TSHZ2: variants seen among roughly 807,000 people sequenced by gnomAD.
The protein encoded by TSHZ2 is teashirt zinc finger homeobox 2, also known as teashirt homolog 2.
TSHZ2 carries 21 observed loss-of-function variants against 74.4 expected under a neutral mutation model. The ratio of observed to expected loss-of-function variants is 0.28; its 90% confidence interval spans 0.20 to 0.41. The LOEUF (loss-of-function observed/expected upper bound fraction) is 0.41. TSHZ2 is among the 10% of genes least tolerant of loss of function. The pLI, the probability that TSHZ2 is intolerant of heterozygous loss-of-function variation, is 1.00. For synonymous variants in TSHZ2, 540 were observed against 515.3 expected, an observed-to-expected ratio of 1.05 and a Z score of -0.65; for missense variants, 1,244 against 1,293.5, an observed-to-expected ratio of 0.96 and a Z score of 0.59.
chr20:53,233,718 G>C (rs900960169), intron 1 of TSHZ2, among the ~76,000 whole-genome samples: 1 of 152,156 alleles, frequency 6.6e-6, no homozygotes, highest in Non-Finnish European at 1.5e-5. Flanking sequence ...CTGCATTAGA[G>C]ACAGAGGGAG....
rs114919824 is a variant in TSHZ2, at chr20:53,220,430, A to G, written c.41-33069A>G. Reference sequence around the variant, plus strand: ...TCCCTGTTGATGAGAAAATTCCTCTACAGGGTTACTGATTAAGGGCCAGTT... The same window carrying G: ...TCCCTGTTGATGAGAAAATTCCTCTGCAGGGTTACTGATTAAGGGCCAGTT... On this transcript the variant is annotated intron_variant, in intron 1 of 2. Transcript: ENST00000371497. Among the ~76,000 whole-genome samples the G allele has an allele frequency of 2.6e-3, 401 of 152,352 alleles. 4 individuals are homozygous for G. The highest frequency in any genetic ancestry group is 9.2e-3 in the African/African-American group (383 of 41,584).
chr20:53,038,894 TTG>T (rs1386946889), intron 1 of TSHZ2, among the ~76,000 whole-genome samples: 1 of 135,464 alleles, frequency 7.4e-6, no homozygotes, highest in Non-Finnish European at 1.5e-5. Context: ...TTTTGTTTGT[TTG>T]TTTGTTTGTT....
At chr20:53,216,039 G>T (rs992114877) in intron 1 of TSHZ2, among the ~76,000 whole-genome samples, 2 of 152,022 alleles carry the variant, frequency 1.3e-5, no homozygotes, top group East Asian at 3.9e-4. Context: ...CTTCATTTTG[G>T]CCAAGACCTT....
intron 1 of TSHZ2, among the ~76,000 whole-genome samples, chr20:52,989,027 G>C (rs997216142): frequency 1.3e-5 from 2 of 152,004 alleles, no homozygotes; most frequent in Non-Finnish European, 2.9e-5. Context: ...TTGTATTTAA[G>C]AGTCACCTTA....
intron 1 of TSHZ2, among the ~76,000 whole-genome samples, chr20:53,046,328 C>T (rs796811861): frequency 7.2e-5 from 11 of 152,308 alleles, no homozygotes; most frequent in African/African-American, 2.4e-4. Context: ...CCGCCGCCAA[C>T]ATCAGCCATC....
intron 2 of TSHZ2, among the ~76,000 whole-genome samples, chr20:53,482,108 T>TAA (rs570413572): frequency 0.055 from 4,055 of 74,196 alleles, 620 homozygotes; most frequent in African/African-American, 0.069. Flanking sequence ...CTCCATCTCA[T>TAA]AAAAAAAAAA....
At chr20:53,309,567 C>A (rs1009769509) in intron 2 of TSHZ2, among the ~76,000 whole-genome samples, 2 of 152,186 alleles carry the variant, frequency 1.3e-5, no homozygotes, top group African/African-American at 4.8e-5. Context: ...AAGAAGAAGA[C>A]ATTTTATTCT....
At chr20:53,215,051 A>C (rs1989402920) in intron 1 of TSHZ2, among the ~76,000 whole-genome samples, 1 of 152,214 alleles carries the variant, frequency 6.6e-6, no homozygotes, top group South Asian at 2.1e-4. Flanking sequence ...CGGGACCCAT[A>C]GGCTAATGTC....
intron 1 of TSHZ2, among the ~76,000 whole-genome samples, chr20:53,014,870 C>T (rs957372907): frequency 2.6e-5 from 4 of 152,090 alleles, no homozygotes; most frequent in South Asian, 2.1e-4. Context: ...GTCGTCTGTT[C>T]GTTTGTGTGC....
chr20:53,337,457 A>T (rs945634246), intron 2 of TSHZ2, among the ~76,000 whole-genome samples: 1 of 152,160 alleles, frequency 6.6e-6, no homozygotes, highest in African/African-American at 2.4e-5. Flanking sequence ...TGTATGTTTC[A>T]TTGGACGGAA....
At chr20:53,385,209 T>C (rs1313314584) in intron 2 of TSHZ2, among the ~76,000 whole-genome samples, 3 of 152,082 alleles carry the variant, frequency 2.0e-5, no homozygotes, top group Non-Finnish European at 4.4e-5. Context: ...ATGCCATGTA[T>C]AGTAGGAATA....
intron 1 of TSHZ2, among the ~76,000 whole-genome samples, chr20:52,980,046 A>G (rs1282151193): frequency 1.3e-5 from 2 of 152,206 alleles, no homozygotes. Flanking sequence ...AGCAGGGACT[A>G]ATGAAACTCT....
chr20:53,269,373 AT>A (rs2123756140), intron 2 of TSHZ2, among the ~76,000 whole-genome samples: 1 of 152,310 alleles, frequency 6.6e-6, no homozygotes, highest in African/African-American at 2.4e-5. Context: ...GGGATAAAAG[AT>A]ATGCCCCTGA....
rs371062744 is a variant in TSHZ2 at position 53,488,951 on chromosome 20, C to T, written c.*1816C>T. On this transcript the variant is annotated 3_prime_UTR_variant, in exon 3 of 3. Transcript: ENST00000371497. Reference sequence around the variant, plus strand: ...ATAACCTAGATGGGAAAAAATATGGCGCTTCGGGGAAGGAGGGAAAAAGTA... The same window carrying T: ...ATAACCTAGATGGGAAAAAATATGGTGCTTCGGGGAAGGAGGGAAAAAGTA... The T allele has an allele frequency of 4.8e-5, 22 of 455,054 alleles. No homozygotes were observed. The highest frequency in any genetic ancestry group is 1.6e-4 in the Admixed American group (7 of 42,482). The allele number at this position is 455,054 out of a possible 1,614,324, so 28.2% of individuals were successfully genotyped here. A position where few individuals can be genotyped will look rare whatever the true frequency, so the allele number is the denominator to read the frequency against.
chr20:53,442,759 G>T (rs899056090), intron 2 of TSHZ2, among the ~76,000 whole-genome samples: 1 of 152,176 alleles, frequency 6.6e-6, no homozygotes, highest in Non-Finnish European at 1.5e-5. Context: ...TGTTCAAAAA[G>T]CGTTAGCAAA....
intron 1 of TSHZ2, among the ~76,000 whole-genome samples, chr20:53,163,669 G>A (rs1988000591): frequency 6.6e-6 from 1 of 151,950 alleles, no homozygotes; most frequent in Non-Finnish European, 1.5e-5. Context: ...AGATACTGAA[G>A]GCGTCACTAG....
At chr20:53,182,034 A>C (rs1988481511) in intron 1 of TSHZ2, among the ~76,000 whole-genome samples, 1 of 152,162 alleles carries the variant, frequency 6.6e-6, no homozygotes, top group Non-Finnish European at 1.5e-5. Flanking sequence ...GCATCAGTCC[A>C]TGTTGCCCCA....
chr20:53,110,370 T>TTGCTGCTCACA lies in TSHZ2; in HGVS notation c.40+137037_40+137038insTGCTGCTCACA, dbSNP rs1986498063. ...AAATCCCAGACTTTCTCCGGCCCTCTCTTGCTGCTCACACTTGCTGCAGCC... is the reference window on the plus strand; with the variant it reads ...AAATCCCAGACTTTCTCCGGCCCTCTTGCTGCTCACACTTGCTGCTCACACTTGCTGCAGCC... On this transcript the variant is annotated intron_variant, in intron 1 of 2. Transcript: ENST00000371497. 2.6e-5 allele frequency among the ~76,000 whole-genome samples: 4 copies of TTGCTGCTCACA among 151,974 alleles called. No homozygotes were observed. The South Asian group carries it at 8.3e-4, about 32-fold the overall frequency.
At chr20:53,469,045 T>TTTTATATATATATATATA (rs1415631017) in intron 2 of TSHZ2, among the ~76,000 whole-genome samples, 4 of 49,126 alleles carry the variant, frequency 8.1e-5, no homozygotes, top group Admixed American at 3.5e-4. Flanking sequence ...AATCGATATT[T>TTTTATATATATATATATA]TATATATATA....
Sources: allele counts gnomAD v4.1 joint callset (sites outside exome capture counted in the v4.1 genomes callset), GRCh38; gene constraint gnomAD v4.1.1; transcripts MANE v1.5; gene names NCBI Gene and HGNC (gene_info 2026-07-23, HGNC 2026-07-21).